Variants in SIK3 observed in about 807,000 individuals in gnomAD.
The protein encoded by SIK3 is SIK family kinase 3.
SIK3 carries 28 observed loss-of-function variants against 144.2 expected under a neutral mutation model. That is an observed-to-expected ratio of 0.19 (90% CI 0.14 to 0.27). The LOEUF (loss-of-function observed/expected upper bound fraction) is 0.27, where lower values mean the gene tolerates loss of function less well. Among genes scored for constraint, SIK3 ranks in the 10% least tolerant of loss-of-function variants. The probability of loss-of-function intolerance (pLI) is 1.00; values close to 1 mark genes in which losing one functional copy is unlikely to be tolerated. For missense variants in SIK3, 1,319 were observed against 1,776.0 expected, an observed-to-expected ratio of 0.74 and a Z score of 4.62; for synonymous variants, 686 against 676.3, an observed-to-expected ratio of 1.01 and a Z score of -0.22.
At chr11:117,054,116 CAGTTAAGACT>C (rs1953397499) in intron 1 of SIK3, among the ~76,000 whole-genome samples, 1 of 152,180 alleles carries the variant, frequency 6.6e-6, no homozygotes, top group Non-Finnish European at 1.5e-5. Flanking sequence ...CCTTGGATGG[CAGTTAAGACT>C]AAAGAGAAAA....
At chr11:116,891,308 CT>C (rs1417615625) in intron 6 of SIK3, among the ~76,000 whole-genome samples, 1 of 152,024 alleles carries the variant, frequency 6.6e-6, no homozygotes, top group African/African-American at 2.4e-5. Context: ...CAGAGCGAGA[CT>C]CCGTCTCAAA....
At chr11:116,967,157 T>G (rs1949588760) in intron 1 of SIK3, among the ~76,000 whole-genome samples, 1 of 152,218 alleles carries the variant, frequency 6.6e-6, no homozygotes. Context: ...ATTTTCTTAA[T>G]GAGTACATGC....
intron 1 of SIK3, among the ~76,000 whole-genome samples, chr11:117,071,023 C>A (rs896786260): frequency 6.6e-6 from 1 of 151,982 alleles, no homozygotes; most frequent in African/African-American, 2.4e-5. Flanking sequence ...GCCACTGCGG[C>A]CAGCCCAATA....
intron 4 of SIK3, among the ~76,000 whole-genome samples, chr11:116,908,204 G>T (rs1169386051): frequency 6.6e-6 from 1 of 152,162 alleles, no homozygotes; most frequent in Non-Finnish European, 1.5e-5. Flanking sequence ...GGCTGGACGT[G>T]GTGGCTTACT....
intron 1 of SIK3, among the ~76,000 whole-genome samples, chr11:117,075,149 GAC>G (rs1419257828): frequency 6.6e-6 from 1 of 152,148 alleles, no homozygotes; most frequent in Non-Finnish European, 1.5e-5. Flanking sequence ...AGACATATAA[GAC>G]ACAGATAATA....
At chr11:117,058,880 G>C (rs1026813961) in intron 1 of SIK3, among the ~76,000 whole-genome samples, 1 of 152,192 alleles carries the variant, frequency 6.6e-6, no homozygotes, top group Non-Finnish European at 1.5e-5. Flanking sequence ...TTAATCCACA[G>C]CTGGAGATCT....
At chr11:116,999,119 C>T (rs1591508916) in intron 1 of SIK3, among the ~76,000 whole-genome samples, 5 of 152,230 alleles carry the variant, frequency 3.3e-5, no homozygotes, top group Admixed American at 3.3e-4. Flanking sequence ...TATAGTTTCA[C>T]AAACACAAGG....
chr11:117,075,707 A>G (rs1400771568), intron 1 of SIK3, among the ~76,000 whole-genome samples: 1 of 150,566 alleles, frequency 6.6e-6, no homozygotes, highest in African/African-American at 2.4e-5. Flanking sequence ...ACACCTGGCT[A>G]ATTTTTTTTT....
chr11:117,007,566 T>G (rs1183220670), intron 1 of SIK3, among the ~76,000 whole-genome samples: 1 of 152,202 alleles, frequency 6.6e-6, no homozygotes, highest in African/African-American at 2.4e-5. Flanking sequence ...CATGTGCCAA[T>G]GCACACTCAA....
Position 116,955,923 on chromosome 11 carries a change from C to T in SIK3, c.390+1025G>A, listed in dbSNP as rs527497606. Among the ~76,000 whole-genome samples the T allele has an allele frequency of 7.9e-5, 12 of 152,132 alleles. No homozygotes were observed. In the East Asian group the frequency reaches 2.3e-3, roughly 29 times the overall value. On this transcript the variant is annotated intron_variant, in intron 2 of 24. Transcript: ENST00000445177. Reference sequence around the variant, plus strand: ...TAATATCACAACATGTTTTCTTTTCCATAAAACTAAGAGGCTACGAAAGCT... The same window carrying T: ...TAATATCACAACATGTTTTCTTTTCTATAAAACTAAGAGGCTACGAAAGCT...
intron 1 of SIK3, among the ~76,000 whole-genome samples, chr11:116,983,817 A>T (rs1171360650): frequency 6.6e-6 from 1 of 152,076 alleles, no homozygotes; most frequent in Non-Finnish European, 1.5e-5. Context: ...ATGAGGGCTC[A>T]CACCTGTAAT....
rs575501739 is a variant in SIK3 at position 116,994,602 on chromosome 11, G to A, written c.274-37538C>T. Among the ~76,000 whole-genome samples the A allele has an allele frequency of 4.6e-5, 7 of 152,224 alleles. No individual in the cohort carries two copies. The South Asian group carries it at 1.5e-3, about 32-fold the overall frequency. On this transcript the variant is annotated intron_variant, in intron 1 of 24. Transcript: ENST00000445177. The stretch of plus-strand genomic sequence containing the variant: ...TGGTAAGGATTCAATAAATGATCAC[G>A]AAATCCCTTTGGGATTAGCTAATTA...
At chr11:116,932,780 T>C (rs2135183360) in intron 3 of SIK3, among the ~76,000 whole-genome samples, 1 of 152,280 alleles carries the variant, frequency 6.6e-6, no homozygotes, top group East Asian at 1.9e-4. Flanking sequence ...GGCGACCTTT[T>C]GAGATTGGCT....
chr11:117,088,832 A>C (rs2134064479), intron 1 of SIK3, among the ~76,000 whole-genome samples: 2 of 151,080 alleles, frequency 1.3e-5, no homozygotes, highest in African/African-American at 4.9e-5. Flanking sequence ...ATGCACCACC[A>C]CACCCCTGGT....
chr11:116,876,909 C>T lies in SIK3; in HGVS notation c.984+15G>A, dbSNP rs758873589. 2 of 1,607,344 alleles carry T rather than the reference C, an allele frequency of 1.2e-6. No individual in the cohort carries two copies. The highest frequency in any genetic ancestry group is 1.3e-5 in the African/African-American group (1 of 74,912). ...CTTTCAGAGGAGTCCCCTGCAGCAGCGGTTCCCAGCTCACCCTGTCAAAGT... is the reference window on the plus strand; with the variant it reads ...CTTTCAGAGGAGTCCCCTGCAGCAGTGGTTCCCAGCTCACCCTGTCAAAGT... On this transcript the variant is annotated intron_variant, in intron 7 of 24. Coordinates refer to ENST00000445177, the MANE Select transcript of SIK3 (RefSeq NM_001366686.3).
chr11:116,876,847 G>T, intron 7 of SIK3, 77 bp downstream of exon 7: 1 of 1,179,472 alleles, frequency 8.5e-7, no homozygotes, highest in Non-Finnish European at 1.3e-6. Context: ...TCAGGTTATG[G>T]CCTGATTACA....
chr11:116,978,235 G>A (rs1011274517), intron 1 of SIK3, among the ~76,000 whole-genome samples: 6 of 151,764 alleles, frequency 4.0e-5, no homozygotes, highest in Non-Finnish European at 4.4e-5. Context: ...ATTACTATCC[G>A]CATTACCAAA....
intron 3 of SIK3, among the ~76,000 whole-genome samples, chr11:116,931,475 G>A (rs754931607): frequency 1.3e-5 from 2 of 152,300 alleles, no homozygotes; most frequent in Non-Finnish European, 2.9e-5. Context: ...ACTCTAAACA[G>A]ACAGTGTCTC....
intron 21 of SIK3, among the ~76,000 whole-genome samples, chr11:116,856,090 G>A (rs1014194999): frequency 8.6e-5 from 13 of 151,912 alleles, no homozygotes; most frequent in Admixed American, 3.3e-4. Flanking sequence ...CCAGCTACTC[G>A]GGAGGCTGAG....
Sources: allele counts gnomAD v4.1 joint callset (sites outside exome capture counted in the v4.1 genomes callset), GRCh38; gene constraint gnomAD v4.1.1; transcripts MANE v1.5; gene names NCBI Gene and HGNC (gene_info 2026-07-23, HGNC 2026-07-21).